Variants in RASGRF1 observed in about 807,000 individuals in gnomAD.
RASGRF1 encodes the protein ras-specific guanine nucleotide-releasing factor 1.
In RASGRF1, 40 loss-of-function variants were observed where a neutral mutation model predicts 138.7. The ratio of observed to expected loss-of-function variants is 0.29; its 90% CI spans 0.22 to 0.38. The LOEUF is 0.38. Ranked by LOEUF, RASGRF1 falls within the 10% of genes least tolerant of loss-of-function variation. RASGRF1 has a pLI of 1.00. For missense variants in RASGRF1, 1,108 were observed against 1,650.4 expected (o/e 0.67, Z 5.69); for synonymous variants, 614 against 663.2 (o/e 0.93, Z 1.14).
chr15:79,004,216 C>G, intron 14 of RASGRF1, 41 bp from the exon 15 acceptor site: 1 of 1,517,196 alleles, frequency 6.6e-7, no homozygotes, highest in Non-Finnish European at 8.8e-7. Context: ...TTAGCGTAGG[C>G]CTGCCTGCCC....
chr15:79,023,367 T>C (rs2056991643), intron 10 of RASGRF1, among the ~76,000 whole-genome samples: 1 of 152,132 alleles, frequency 6.6e-6, no homozygotes, highest in Admixed American at 6.5e-5. Flanking sequence ...TCAATGTCCT[T>C]ATTTGATAGA....
At chr15:79,058,541 C>G in intron 2 of RASGRF1, 60 bp from the exon 3 acceptor site, 1 of 1,592,678 alleles carries the variant, frequency 6.3e-7, no homozygotes, top group Non-Finnish European at 8.6e-7. Flanking sequence ...GCGAACCAAG[C>G]AGGGCACTGA....
At chr15:79,003,628 C>T (rs2056593771) in intron 15 of RASGRF1, among the ~76,000 whole-genome samples, 174 bp downstream of exon 15, 1 of 152,266 alleles carries the variant, frequency 6.6e-6, no homozygotes, top group Admixed American at 6.5e-5. Context: ...ACGGCTACCT[C>T]TCTGCACCGC....
At chr15:79,022,457 C>T (rs2056974315) in intron 10 of RASGRF1, among the ~76,000 whole-genome samples, 1 of 134,946 alleles carries the variant, frequency 7.4e-6, no homozygotes, top group African/African-American at 3.0e-5. Context: ...AAACAAACAA[C>T]CCCCCCCCAA....
intron 22 of RASGRF1, among the ~76,000 whole-genome samples, chr15:78,987,113 C>T (rs2056175510): frequency 6.6e-6 from 1 of 152,116 alleles, no homozygotes; most frequent in African/African-American, 2.4e-5. Context: ...AGGAAAATTA[C>T]ACACCCATTT....
In RASGRF1 at chr15:78,983,675, C is replaced by T. The variant is rs183648602; in HGVS notation, c.3414+1332G>A. ...CCTGCCTGAACCTTGACAAGCCAAA[C>T]GAGGTTGGGTGACTTGGAGGTTTTG... is the stretch of plus-strand genomic sequence containing the variant. On this transcript the variant is annotated intron_variant, in intron 23 of 26. Transcript: ENST00000558480. 1.6e-3 allele frequency among the ~76,000 whole-genome samples: 239 copies of T among 152,340 alleles called. 1 individual carries two copies. Among genetic ancestry groups the T allele is most frequent in the Admixed American group, 2.8e-3 (43 of 15,304 alleles).
Position 79,035,210 on chromosome 15 carries a change from G to T in RASGRF1, c.879C>A (p.Ser293Arg). The change falls in exon 6 of 27, where the codon AGC becomes AGA. Residue 293 changes from serine (S) to arginine (R), a missense_variant and splice_region_variant. Coordinates refer to ENST00000558480, the MANE Select transcript of RASGRF1 (RefSeq NM_001145648.3). ...HDDVSSIFLN[S>R]ETIMFLHQIF... is the part of the protein sequence containing the mutation. ...TCTGATGTAAAAACATGATGGTTTC[G>T]CTGAAAGAGAAAGCACAGGGTCAGC... 6.2e-7 allele frequency: 1 copy of T among 1,611,782 alleles called. No homozygotes were observed. Among genetic ancestry groups the T allele is most frequent in the Non-Finnish European group, 8.5e-7 (1 of 1,178,582 alleles).
intron 8 of RASGRF1, among the ~76,000 whole-genome samples, chr15:79,030,221 C>T (rs1006049999): frequency 6.6e-6 from 1 of 152,180 alleles, no homozygotes; most frequent in African/African-American, 2.4e-5. Context: ...CCCTTGCCGG[C>T]CTCAGGAAGA....
In RASGRF1 at chr15:79,058,578, T is replaced by A. The variant is rs1249015140; in HGVS notation, c.384-97A>T. 5.4e-6 allele frequency: 8 copies of A among 1,474,570 alleles called. No individual in the cohort carries two copies. The East Asian group carries it at 1.9e-4, about 34-fold the overall frequency. The allele number at this position is 1,474,570 out of a possible 1,614,324, so 91.3% of individuals were successfully genotyped here. A position where few individuals can be genotyped will look rare whatever the true frequency, so the allele number is the denominator to read the frequency against. On this transcript the variant is annotated intron_variant, in intron 2 of 26. Coordinates refer to ENST00000558480, the MANE Select transcript of RASGRF1 (RefSeq NM_001145648.3). The stretch of plus-strand genomic sequence containing the variant: ...CGGGAGAGGGGCTCACCCACCCACC[T>A]GCACTTAGCAGAAGGCCCTGACTCC...
At chr15:79,058,016 T>A (rs1041506694) in intron 3 of RASGRF1, among the ~76,000 whole-genome samples, 4 of 152,246 alleles carry the variant, frequency 2.6e-5, no homozygotes, top group African/African-American at 9.6e-5. Context: ...TGCCCGTAGA[T>A]AATCTCACTC....
Position 79,083,530 on chromosome 15 carries a change from G to C in RASGRF1, c.276+6693C>G, listed in dbSNP as rs2057941470. Among the ~76,000 whole-genome samples the C allele has an allele frequency of 2.6e-5, 4 of 152,190 alleles. No homozygotes were observed. In the South Asian group the frequency reaches 8.3e-4, roughly 32 times the overall value. Reference sequence around the variant, plus strand: ...GAGTTGCGAGGTTCCCACCCAAGCAGAAACAAAAGCCGCCTTCACAAAAAT... The same window carrying C: ...GAGTTGCGAGGTTCCCACCCAAGCACAAACAAAAGCCGCCTTCACAAAAAT... On this transcript the variant is annotated intron_variant, in intron 1 of 26. Transcript: ENST00000558480.
chr15:79,014,745 G>C (rs1017362323), intron 13 of RASGRF1, among the ~76,000 whole-genome samples: 3 of 151,912 alleles, frequency 2.0e-5, no homozygotes, highest in African/African-American at 4.8e-5. Flanking sequence ...GTGAAACCCT[G>C]TCTCTACTAA....
chr15:79,075,069 C>G lies in RASGRF1; in HGVS notation c.277-10543G>C, dbSNP rs143921696. 4.7e-3 allele frequency among the ~76,000 whole-genome samples: 715 copies of G among 152,252 alleles called. 7 individuals carry two copies. Among genetic ancestry groups the G allele is most frequent in the African/African-American group, 0.017 (688 of 41,548 alleles). On this transcript the variant is annotated intron_variant, in intron 1 of 26. Transcript: ENST00000558480. The stretch of plus-strand genomic sequence containing the variant: ...GCTTGACCTGGGTTGCTGAGTATCC[C>G]TAGACCTGCGAGTCTCAACCATGGC...
Position 79,027,877 on chromosome 15 carries a change from T to C in RASGRF1, c.1263-18A>G. The C allele has an allele frequency of 1.2e-6, 2 of 1,612,528 alleles. No individual in the cohort carries two copies. Among genetic ancestry groups the C allele is most frequent in the Non-Finnish European group, 1.7e-6 (2 of 1,178,552 alleles). ...GCATTATTCTGTGGGGATGGGAAAC[T>C]GCACAGTCAGAGACAGGCTGCCCCT... On this transcript the variant is annotated intron_variant, in intron 8 of 26. Transcript: ENST00000558480. The surrounding 1 kb of genome is among the most constrained non-coding windows in gnomAD (Gnocchi z 4.8).
At chr15:79,081,550 A>G (rs1289715474) in intron 1 of RASGRF1, among the ~76,000 whole-genome samples, 2 of 152,148 alleles carry the variant, frequency 1.3e-5, no homozygotes, top group African/African-American at 2.4e-5. Context: ...CTTTTAGGGC[A>G]GCTTTGGTGT....
rs907751865 is a variant in RASGRF1, at chr15:79,003,948, C to G, written c.2303G>C (p.Ser768Thr). ...ALSCNSNGYT[S>T]MYSAMSPFSK... ...GAAGGGTGACATGGCCGAGTACATG[C>G]TGGTGTAGCCATTGGAGTTGCAGCT... The change falls in exon 15 of 27, where the codon AGC becomes ACC. Residue 768 changes from serine to threonine, a missense_variant. Transcript: ENST00000558480. The G allele has an allele frequency of 4.3e-6, 7 of 1,614,074 alleles. No individual in the cohort carries two copies. In the African/African-American group the frequency reaches 5.3e-5, roughly 12 times the overall value.
chr15:79,044,184 C>T (rs1377308482), intron 5 of RASGRF1, among the ~76,000 whole-genome samples: 1 of 152,248 alleles, frequency 6.6e-6, no homozygotes, highest in African/African-American at 2.4e-5. Flanking sequence ...ACAGACCTGA[C>T]CATGACATTC....
intron 8 of RASGRF1, among the ~76,000 whole-genome samples, chr15:79,029,670 C>T (rs577820704): frequency 2.0e-5 from 3 of 152,058 alleles, no homozygotes; most frequent in Non-Finnish European, 2.9e-5. Context: ...TGTTTCTGAG[C>T]GCAGCCTAGG....
At chr15:78,975,216 C>T (rs2055847447) in intron 24 of RASGRF1, among the ~76,000 whole-genome samples, 1 of 152,154 alleles carries the variant, frequency 6.6e-6, no homozygotes, top group South Asian at 2.1e-4. Flanking sequence ...CATAGTGAGA[C>T]CCCATCTCTA....
Sources: gnomAD v4.1 joint callset for allele counts (sites outside exome capture counted in the v4.1 genomes callset) on GRCh38, gnomAD v4.1.1 for gene constraint, Gnocchi (gnomAD v3.1) non-coding constraint, MANE v1.5 for transcripts, NCBI Gene and HGNC (gene_info 2026-07-23, HGNC 2026-07-21) for gene names.